The following TAPT1 variants were observed in gnomAD, a reference collection of about 807,000 sequenced individuals.
TAPT1 encodes transmembrane anterior posterior transformation protein 1 homolog.
In TAPT1, 28 loss-of-function variants were observed where a neutral mutation model predicts 65.6. The observed-to-expected ratio is 0.43, with a 90% confidence interval of 0.32 to 0.59. TAPT1 has a LOEUF of 0.59. TAPT1 is among the 20% of genes least tolerant of loss of function. TAPT1 has a pLI of 0.09. For missense variants in TAPT1, 563 were observed against 679.9 expected (o/e 0.83, Z 1.91); for synonymous variants, 278 against 245.2 (o/e 1.13, Z -1.25).
rs190164097 is a variant in TAPT1 at position 16,165,645 on chromosome 4, C to A, written c.1474+988G>T. 2.6e-5 allele frequency among the ~76,000 whole-genome samples: 4 copies of A among 152,108 alleles called. No homozygotes were observed. In the East Asian group the frequency reaches 7.7e-4, roughly 29 times the overall value. ...TACCTCTGTGAACAGGGAACTGCCA[C>A]CTAACAACAAAAATTAAGTCAACGT... On this transcript the variant is annotated intron_variant, in intron 13 of 13. Transcript: ENST00000405303.
At chr4:16,185,320 A>C (rs926448384) in intron 7 of TAPT1, among the ~76,000 whole-genome samples, 1 of 152,012 alleles carries the variant, frequency 6.6e-6, no homozygotes, top group Admixed American at 6.6e-5. Flanking sequence ...AATATGGTGA[A>C]TAGGGAGAGA....
rs190919307 is a variant in TAPT1, at chr4:16,170,655, A to C, written c.1311T>G (p.Phe437Leu). 52 of 1,610,582 alleles carry C rather than the reference A, an allele frequency of 3.2e-5. No homozygotes were observed. In the East Asian group the frequency reaches 1.1e-3, roughly 33 times the overall value. The change falls in exon 12 of 14, where the codon TTT becomes TTG. Residue 437 changes from phenylalanine to leucine, a missense_variant and splice_region_variant. Physicochemically the swap from Phe to Leu is conservative, Grantham distance 22. Around this residue, in one of 5 missense-constraint regions of TAPT1, gnomAD observed 136 missense variants for 153.9 expected, o/e 0.88. Coordinates refer to ENST00000405303, the MANE Select transcript of TAPT1 (RefSeq NM_153365.3). ...LSYACVILFY[F>L]GLISLKVLNS... is the part of the protein sequence containing the mutation. Reference sequence around the variant, plus strand: ...AACATATTCAAGAATAATCTTACCCAAAATAGAAGAGTATGACACAGGCAT... The same window carrying C: ...AACATATTCAAGAATAATCTTACCCCAAATAGAAGAGTATGACACAGGCAT...
intron 1 of TAPT1, among the ~76,000 whole-genome samples, chr4:16,221,328 G>A (rs1033235153): frequency 2.6e-5 from 4 of 151,764 alleles, no homozygotes; most frequent in Admixed American, 6.6e-5. Flanking sequence ...GTTTCACCGT[G>A]TTGCCCATAC....
chr4:16,184,452 T>C (rs1364152576), intron 7 of TAPT1, among the ~76,000 whole-genome samples: 1 of 152,202 alleles, frequency 6.6e-6, no homozygotes, highest in African/African-American at 2.4e-5. Flanking sequence ...TTGGCTAGTA[T>C]GAACAAAGCT....
Position 16,166,470 on chromosome 4 carries a change from TG to T in TAPT1, c.1474+162del, listed in dbSNP as rs200081550. 3.7e-3 allele frequency among the ~76,000 whole-genome samples: 557 copies of T among 152,324 alleles called. 12 individuals carry two copies. Among genetic ancestry groups the T allele is most frequent in the Admixed American group, 0.031 (481 of 15,298 alleles). Reference sequence around the variant, plus strand: ...GAGTAAATGGAAAAACTCAGAACACTGGGCCAGGTATATATGGGATGAAATC... The same window carrying T: ...GAGTAAATGGAAAAACTCAGAACACTGGCCAGGTATATATGGGATGAAATC... On this transcript the variant is annotated intron_variant, in intron 13 of 13. Transcript: ENST00000405303.
upstream of TAPT1, chr4:16,227,188 G>T (rs750042156): frequency 2.2e-6 from 1 of 455,876 alleles, no homozygotes; most frequent in East Asian, 7.0e-5. Context: ...GTGGGGACGC[G>T]CAGGGGAGGG....
chr4:16,192,749 A>G (rs190661800), intron 3 of TAPT1, among the ~76,000 whole-genome samples: 79 of 152,330 alleles, frequency 5.2e-4, no homozygotes, highest in African/African-American at 1.8e-3. Flanking sequence ...TGCATAGTGC[A>G]ATCAATAAAA....
chr4:16,174,409 T>C, intron 10 of TAPT1, 137 bp from the exon 11 acceptor site: 1 of 792,402 alleles, frequency 1.3e-6, no homozygotes, highest in East Asian at 2.8e-5. Context: ...ACTTATAAAA[T>C]GATGTGGAAA....
intron 3 of TAPT1, among the ~76,000 whole-genome samples, chr4:16,198,839 G>A (rs1749869141): frequency 6.6e-6 from 1 of 152,134 alleles, no homozygotes; most frequent in Non-Finnish European, 1.5e-5. Context: ...CAAAATATTT[G>A]AAAGGTCTTA....
chr4:16,224,883 G>A (rs546516476), intron 1 of TAPT1, among the ~76,000 whole-genome samples: 3 of 152,288 alleles, frequency 2.0e-5, no homozygotes, highest in African/African-American at 7.2e-5. Flanking sequence ...ACAAAAAAAG[G>A]CTTTTAAAAT....
At chr4:16,221,717 T>C (rs1751267143) in intron 1 of TAPT1, among the ~76,000 whole-genome samples, 1 of 152,236 alleles carries the variant, frequency 6.6e-6, no homozygotes, top group African/African-American at 2.4e-5. Flanking sequence ...AAAGTAATAC[T>C]GGTTAACTGT....
rs539057696 is a variant in TAPT1 at position 16,162,785 on chromosome 4, T to G, written c.*523A>C. The G allele has an allele frequency of 3.8e-6, 1 of 266,464 alleles. No homozygotes were observed. Among genetic ancestry groups the G allele is most frequent in the Non-Finnish European group, 7.8e-6 (1 of 128,132 alleles). The allele number at this position is 266,464 out of a possible 1,614,324, so 16.5% of individuals were successfully genotyped here. ...TTTTATTCTGATTAATTAAGATACA[T>G]CTTTAAGGGTTATTCTGGTGGTAAG... On this transcript the variant is annotated 3_prime_UTR_variant, in exon 14 of 14. Transcript: ENST00000405303.
intron 7 of TAPT1, among the ~76,000 whole-genome samples, chr4:16,184,877 C>T (rs139063011): frequency 1.8e-4 from 27 of 152,310 alleles, no homozygotes; most frequent in African/African-American, 6.3e-4. Context: ...CAAAATCTAT[C>T]GTCAGATATA....
chr4:16,172,208 A>G (rs1051782288), intron 11 of TAPT1, among the ~76,000 whole-genome samples: 3 of 152,256 alleles, frequency 2.0e-5, no homozygotes, highest in Admixed American at 1.3e-4. Flanking sequence ...CATTTAAAGA[A>G]TAAAACAAGG....
rs116037543 is a variant in TAPT1 at position 16,219,512 on chromosome 4, C to T, written c.200-5614G>A. Among the ~76,000 whole-genome samples the T allele has an allele frequency of 4.4e-3, 672 of 152,284 alleles. 6 individuals carry two copies. The highest frequency in any genetic ancestry group is 0.016 in the African/African-American group (651 of 41,540). ...AACTTTGCGTACAATTAGCGCGATG[C>T]TAATAGGCTGGGGAATGGTTTTAAA... On this transcript the variant is annotated intron_variant, in intron 1 of 13. Transcript: ENST00000405303.
At chr4:16,164,896 C>T (rs1255663350) in intron 13 of TAPT1, among the ~76,000 whole-genome samples, 3 of 152,130 alleles carry the variant, frequency 2.0e-5, no homozygotes, top group Non-Finnish European at 2.9e-5. Flanking sequence ...TTTATTTTCG[C>T]TTCCGGTTAA....
At chr4:16,167,268 G>C (rs1289336249) in intron 12 of TAPT1, among the ~76,000 whole-genome samples, 1 of 152,048 alleles carries the variant, frequency 6.6e-6, no homozygotes, top group South Asian at 2.1e-4. Flanking sequence ...TGGGATTACA[G>C]GTGTGAGCCA....
At chr4:16,163,929 C>G (rs1747417398) in intron 13 of TAPT1, among the ~76,000 whole-genome samples, 1 of 152,318 alleles carries the variant, frequency 6.6e-6, no homozygotes, top group South Asian at 2.1e-4. Flanking sequence ...GACTTTACTA[C>G]ATTCCACCTG....
At chr4:16,199,950 C>A (rs971046368) in intron 3 of TAPT1, among the ~76,000 whole-genome samples, 1 of 152,088 alleles carries the variant, frequency 6.6e-6, no homozygotes, top group Non-Finnish European at 1.5e-5. Context: ...AGGGGCTACA[C>A]AGAAATGAAC....
Sources: gnomAD v4.1 joint callset for allele counts (sites outside exome capture counted in the v4.1 genomes callset) on GRCh38, gnomAD v4.1.1 for gene constraint, gnomAD v4.1.1 regional missense constraint, MANE v1.5 for transcripts, NCBI Gene and HGNC (gene_info 2026-07-23, HGNC 2026-07-21) for gene names.